GABRB2: variants seen among roughly 807,000 people sequenced by gnomAD.
GABRB2 encodes the protein gamma-aminobutyric acid type A receptor subunit beta2.
GABRB2 carries 16 observed loss-of-function variants against 54.7 expected under a neutral mutation model. The ratio of observed to expected loss-of-function variants is 0.29; its 90% confidence interval spans 0.20 to 0.44. The LOEUF (loss-of-function observed/expected upper bound fraction) is 0.44. Ranked by LOEUF, GABRB2 falls within the 20% of genes least tolerant of loss-of-function variation. The pLI is 1.00. For synonymous variants in GABRB2, 244 were observed against 233.8 expected (o/e 1.04, Z -0.40); for missense variants, 355 against 644.0 (o/e 0.55, Z 4.86).
intron 4 of GABRB2, among the ~76,000 whole-genome samples, chr5:161,429,247 T>C (rs1757099865): frequency 6.8e-6 from 1 of 146,554 alleles, no homozygotes; most frequent in African/African-American, 2.5e-5. Flanking sequence ...CTTAGGAGGC[T>C]GAAGCAGGAG....
At chr5:161,367,531 T>C (rs1755005687) in intron 5 of GABRB2, among the ~76,000 whole-genome samples, 3 of 152,216 alleles carry the variant, frequency 2.0e-5, no homozygotes, top group Admixed American at 2.0e-4. Context: ...AGACTAAGAA[T>C]TATCATCTTT....
intron 5 of GABRB2, among the ~76,000 whole-genome samples, chr5:161,347,764 TGTTTTAATCTACTAG>T (rs1251653412): frequency 6.6e-6 from 1 of 152,130 alleles, no homozygotes. Flanking sequence ...AAATGTTTTT[TGTTTTAATCTACTAG>T]GTTTTGGGTT....
At chr5:161,339,298 C>T (rs1261077284) in intron 5 of GABRB2, among the ~76,000 whole-genome samples, 1 of 152,120 alleles carries the variant, frequency 6.6e-6, no homozygotes, top group African/African-American at 2.4e-5. Flanking sequence ...TAACTGGCAG[C>T]ATGTTATAAA....
At chr5:161,485,783 T>A (rs988065476) in intron 3 of GABRB2, among the ~76,000 whole-genome samples, 1 of 151,906 alleles carries the variant, frequency 6.6e-6, no homozygotes, top group Non-Finnish European at 1.5e-5. Flanking sequence ...GAGACTCAAT[T>A]CTGCAACTCC....
At chr5:161,390,379 A>G (rs142712650) in intron 5 of GABRB2, among the ~76,000 whole-genome samples, 3 of 152,200 alleles carry the variant, frequency 2.0e-5, no homozygotes, top group Admixed American at 6.5e-5. Flanking sequence ...GCTCTTCCAA[A>G]GAGCAAAAAT....
intron 5 of GABRB2, among the ~76,000 whole-genome samples, chr5:161,364,725 T>A (rs2910298): frequency 0.92 from 139,790 of 152,190 alleles, 64,295 homozygotes; most frequent in East Asian, 0.98. Context: ...GACTGATAAT[T>A]AGCCACTTAA....
intron 9 of GABRB2, among the ~76,000 whole-genome samples, chr5:161,323,974 A>G (rs1306208375): frequency 1.3e-5 from 2 of 152,160 alleles, no homozygotes; most frequent in African/African-American, 2.4e-5. Context: ...TGGTGTGTAA[A>G]CCTGTCAGCA....
chr5:161,509,054 T>C (rs888135330), intron 3 of GABRB2, among the ~76,000 whole-genome samples: 2 of 151,916 alleles, frequency 1.3e-5, no homozygotes, highest in African/African-American at 2.4e-5. Context: ...TATAAAGAAA[T>C]GAGGCAACAC....
intron 5 of GABRB2, among the ~76,000 whole-genome samples, chr5:161,341,093 C>T (rs1408884365): frequency 2.6e-5 from 4 of 151,986 alleles, no homozygotes; most frequent in Non-Finnish European, 5.9e-5. Context: ...GAGCAACGAG[C>T]TCCATGACAG....
intron 4 of GABRB2, among the ~76,000 whole-genome samples, chr5:161,452,940 G>A (rs1470516797): frequency 3.3e-5 from 5 of 152,302 alleles, no homozygotes; most frequent in African/African-American, 1.2e-4. Context: ...AGGTTGCTGT[G>A]AGTCGAGATT....
chr5:161,307,375 TAAA>T (rs1757719376), intron 9 of GABRB2, among the ~76,000 whole-genome samples: 1 of 152,248 alleles, frequency 6.6e-6, no homozygotes, highest in Admixed American at 6.5e-5. Flanking sequence ...AAGGACTCAA[TAAA>T]TATCTGCTGA....
At chr5:161,451,959 T>C (rs1429006632) in intron 4 of GABRB2, among the ~76,000 whole-genome samples, 2 of 152,192 alleles carry the variant, frequency 1.3e-5, no homozygotes, top group African/African-American at 2.4e-5. Context: ...GATTATTTCA[T>C]GATTCAACGA....
At chr5:161,510,033 A>G (rs1490079804) in intron 3 of GABRB2, among the ~76,000 whole-genome samples, 1 of 151,860 alleles carries the variant, frequency 6.6e-6, no homozygotes, top group Non-Finnish European at 1.5e-5. Context: ...TACGGGGTAC[A>G]TGAGATGTTT....
At chr5:161,495,396 A>T (rs2113363643) in intron 3 of GABRB2, among the ~76,000 whole-genome samples, 1 of 152,198 alleles carries the variant, frequency 6.6e-6, no homozygotes, top group African/African-American at 2.4e-5. Context: ...TTAACATAGC[A>T]AAATAATTTG....
chr5:161,293,375 A>G lies in GABRB2; in HGVS notation c.*706T>C, dbSNP rs1468704666. 2 of 152,196 alleles carry G rather than the reference A, an allele frequency of 1.3e-5. No individual in the cohort carries two copies. The highest frequency in any genetic ancestry group is 2.4e-5 in the African/African-American group (1 of 41,436). 9.4% of individuals were successfully genotyped at this position (152,196 alleles called of 1,614,324 possible). ...TAACTCTTACTTTAACCACCTAGGAAATAGCCGTTTAGCAAAAATTTTCTT... is the reference window on the plus strand; with the variant it reads ...TAACTCTTACTTTAACCACCTAGGAGATAGCCGTTTAGCAAAAATTTTCTT... On this transcript the variant is annotated 3_prime_UTR_variant, in exon 10 of 10. Transcript: ENST00000393959.
chr5:161,358,832 A>G (rs931817599), intron 5 of GABRB2, among the ~76,000 whole-genome samples: 9 of 152,170 alleles, frequency 5.9e-5, no homozygotes, highest in Admixed American at 5.2e-4. Flanking sequence ...GTTGTTAAGG[A>G]CAGAGGGAGA....
intron 5 of GABRB2, among the ~76,000 whole-genome samples, chr5:161,391,525 G>A (rs1187715148): frequency 6.6e-6 from 1 of 151,996 alleles, no homozygotes; most frequent in Non-Finnish European, 1.5e-5. Flanking sequence ...GTGGAATAAG[G>A]CTTTGTTCTA....
At chr5:161,301,135 T>A (rs1757526060) in intron 9 of GABRB2, among the ~76,000 whole-genome samples, 1 of 152,172 alleles carries the variant, frequency 6.6e-6, no homozygotes, top group South Asian at 2.1e-4. Context: ...ATTTAACCTG[T>A]TTGTTCCAAG....
intron 3 of GABRB2, among the ~76,000 whole-genome samples, chr5:161,470,909 C>G (rs1376960702): frequency 1.3e-5 from 2 of 151,864 alleles, no homozygotes; most frequent in African/African-American, 4.8e-5. Context: ...CACAGGTGAC[C>G]CTTCATGAGT....
Sources: gnomAD v4.1 joint callset for allele counts (sites outside exome capture counted in the v4.1 genomes callset) on GRCh38, gnomAD v4.1.1 for gene constraint, MANE v1.5 for transcripts, NCBI Gene and HGNC (gene_info 2026-07-23, HGNC 2026-07-21) for gene names.